Variants in NAA60 observed in about 807,000 individuals in gnomAD.
NAA60 encodes the protein N-alpha-acetyltransferase 60, NatF catalytic subunit.
A neutral mutation model predicts 26.1 loss-of-function variants in NAA60; 8 were observed. The observed-to-expected ratio is 0.31, with a 90% CI of 0.18 to 0.55. The LOEUF is 0.55. Ranked by LOEUF, NAA60 falls within the 20% of genes least tolerant of loss-of-function variation. The probability of loss-of-function intolerance (pLI) is 0.93; values close to 1 mark genes in which losing one functional copy is unlikely to be tolerated. For synonymous variants in NAA60, 131 were observed against 122.5 expected, an observed-to-expected ratio of 1.07 and a Z score of -0.46; for missense variants, 290 against 311.3, an observed-to-expected ratio of 0.93 and a Z score of 0.51.
chr16:3,482,476 G>C (rs779894514), intron 4 of NAA60, 26 bp from the exon 5 acceptor site: 1 of 1,563,514 alleles, frequency 6.4e-7, no homozygotes, highest in South Asian at 1.2e-5. Context: ...GTGTGAGCCT[G>C]ACTTTCTCTC....
intron 2 of NAA60, among the ~76,000 whole-genome samples, chr16:3,452,572 C>T (rs987895255): frequency 2.6e-5 from 4 of 151,782 alleles, no homozygotes; most frequent in African/African-American, 9.7e-5. Flanking sequence ...ACGAGAATCA[C>T]TTGAGCCCAG....
chr16:3,474,850 C>T (rs2036378057), intron 2 of NAA60, among the ~76,000 whole-genome samples: 1 of 152,264 alleles, frequency 6.6e-6, no homozygotes, highest in South Asian at 2.1e-4. Flanking sequence ...TGGCATTCTT[C>T]TGTAAAGAAC....
intron 2 of NAA60, among the ~76,000 whole-genome samples, chr16:3,450,897 A>G (rs1352567566): frequency 6.6e-6 from 1 of 152,192 alleles, no homozygotes; most frequent in Non-Finnish European, 1.5e-5. Context: ...TAAAATGAGG[A>G]CAACAATACT....
At position 3,484,583 on chromosome 16, in the gene NAA60, C is replaced by T. The variant is rs915831690; in HGVS notation, c.573-116C>T. 43 of 1,381,504 alleles carry T rather than the reference C, an allele frequency of 3.1e-5. No homozygotes were observed. In the Admixed American group the frequency reaches 3.6e-4, roughly 12 times the overall value. 85.6% of individuals were successfully genotyped at this position (1,381,504 alleles called of 1,614,324 possible). On this transcript the variant is annotated intron_variant, in intron 6 of 7. Transcript: ENST00000407558. The stretch of plus-strand genomic sequence containing the variant: ...AGAGGCTTAGCGGGCTCTCAGCCTC[C>T]GAAGCCTGGCTTGCCATCTGCACAC...
intron 2 of NAA60, among the ~76,000 whole-genome samples, chr16:3,458,824 T>C (rs2035182005): frequency 6.6e-6 from 1 of 152,188 alleles, no homozygotes; most frequent in African/African-American, 2.4e-5. Flanking sequence ...GACTTTCTTC[T>C]CCAGATTGGG....
intron 4 of NAA60, among the ~76,000 whole-genome samples, chr16:3,480,117 G>A (rs2036732667): frequency 6.6e-6 from 1 of 152,118 alleles, no homozygotes; most frequent in Admixed American, 6.6e-5. Context: ...CAGTCTGAAT[G>A]TAAACAGTAA....
In NAA60 at chr16:3,484,994, G is replaced by A. The variant is rs550325384; in HGVS notation, c.*139G>A. ...GCTCGTCGGCCTGCCCCAGCTGCAGGCCCGGTGCTACACGGGCTCGGGAAC... is the reference window on the plus strand; with the variant it reads ...GCTCGTCGGCCTGCCCCAGCTGCAGACCCGGTGCTACACGGGCTCGGGAAC... On this transcript the variant is annotated 3_prime_UTR_variant, in exon 7 of 8. Transcript: ENST00000407558. 1 of 1,527,654 alleles carries A rather than the reference G, an allele frequency of 6.5e-7. No homozygotes were observed. Among genetic ancestry groups the A allele is most frequent in the Non-Finnish European group, 8.8e-7 (1 of 1,139,818 alleles). The allele number at this position is 1,527,654 out of a possible 1,614,324, so 94.6% of individuals were successfully genotyped here. A position where few individuals can be genotyped will look rare whatever the true frequency, so the allele number is the denominator to read the frequency against.
chr16:3,482,665 A>G (rs1226333444), intron 5 of NAA60, 67 bp downstream of exon 5: 1 of 726,810 alleles, frequency 1.4e-6, no homozygotes, highest in Admixed American at 3.7e-5. Flanking sequence ...CCCCCATCCC[A>G]TCTGCACCCA....
chr16:3,462,345 A>C (rs1402938108), intron 2 of NAA60, among the ~76,000 whole-genome samples: 1 of 152,176 alleles, frequency 6.6e-6, no homozygotes, highest in East Asian at 1.9e-4. Flanking sequence ...TTAATGCAAC[A>C]ATATTTCCCT....
chr16:3,446,952 C>A (rs2034580462), intron 1 of NAA60, among the ~76,000 whole-genome samples: 1 of 152,058 alleles, frequency 6.6e-6, no homozygotes, highest in African/African-American at 2.4e-5. Context: ...AGCAATTCTT[C>A]TGGCTCAGCC....
chr16:3,480,775 G>A (rs1466787783), intron 4 of NAA60, among the ~76,000 whole-genome samples: 4 of 152,032 alleles, frequency 2.6e-5, no homozygotes, highest in Non-Finnish European at 4.4e-5. Flanking sequence ...GCATGATGGC[G>A]CTTGCCTTTA....
chr16:3,483,808 G>C (rs1472716236), intron 6 of NAA60: 2 of 565,192 alleles, frequency 3.5e-6, no homozygotes, highest in Non-Finnish European at 6.2e-6. Flanking sequence ...GCCCAGGCTG[G>C]TCTCGAACTC....
intron 2 of NAA60, among the ~76,000 whole-genome samples, chr16:3,471,968 T>C (rs1446793825): frequency 6.6e-6 from 1 of 152,164 alleles, no homozygotes; most frequent in African/African-American, 2.4e-5. Flanking sequence ...TCCCAGAGTT[T>C]CAAAGTGTGG....
At chr16:3,449,144 G>A (rs940037876) in intron 2 of NAA60, among the ~76,000 whole-genome samples, 14 of 152,068 alleles carry the variant, frequency 9.2e-5, no homozygotes, top group Non-Finnish European at 1.5e-4. Context: ...GAGGTGAGGC[G>A]GGTAGATCTC....
chr16:3,485,107 C>A, intron 7 of NAA60, 46 bp downstream of exon 7: 1 of 1,200,764 alleles, frequency 8.3e-7, no homozygotes. Flanking sequence ...GTGCCTCCAG[C>A]CACAAAAGTG....
At position 3,473,749 on chromosome 16, in the gene NAA60, T is replaced by G. The variant is rs7206345; in HGVS notation, c.-6-2473T>G. Among the ~76,000 whole-genome samples the G allele has an allele frequency of 8.3e-3, 1,133 of 135,974 alleles. 13 individuals are homozygous for G. The highest frequency in any genetic ancestry group is 0.034 in the African/African-American group (1,023 of 30,162). The allele number at this position is 135,974 out of a possible 152,430, so 89.2% of individuals were successfully genotyped here. ...TGTTGTTGTTGTTGTTGTTGTTGTT[T>G]TTTGAGATGGAGTCTTGCACTGTTG... On this transcript the variant is annotated intron_variant, in intron 2 of 7. Transcript: ENST00000407558.
chr16:3,443,744 T>C lies in NAA60; in HGVS notation c.-170T>C, dbSNP rs1307559609. ...CTGTTTGCCTGCTGAAGTAGAGTCTTAGGGTGACCCCAGGGGGACGTAATG... is the reference window on the plus strand; with the variant it reads ...CTGTTTGCCTGCTGAAGTAGAGTCTCAGGGTGACCCCAGGGGGACGTAATG... On this transcript the variant is annotated 5_prime_UTR_variant, in exon 1 of 8. Coordinates refer to ENST00000407558, the MANE Select transcript of NAA60 (RefSeq NM_001083601.3). 2.6e-6 allele frequency: 4 copies of C among 1,529,220 alleles called. No homozygotes were observed. Among genetic ancestry groups the C allele is most frequent in the East Asian group, 2.5e-5 (1 of 40,544 alleles). The allele number at this position is 1,529,220 out of a possible 1,614,324, so 94.7% of individuals were successfully genotyped here.
intron 2 of NAA60, among the ~76,000 whole-genome samples, chr16:3,473,427 A>T (rs1167682187): frequency 6.6e-6 from 1 of 152,186 alleles, no homozygotes. Context: ...TTATAAAACC[A>T]TCAGGTCTCG....
chr16:3,483,663 C>T (rs761266465), intron 6 of NAA60, 66 bp downstream of exon 6: 20 of 1,257,262 alleles, frequency 1.6e-5, no homozygotes, highest in Non-Finnish European at 2.3e-5. Flanking sequence ...AGCCAGTGAG[C>T]AAGTTGGAGC....
Sources: gnomAD v4.1 joint callset for allele counts (sites outside exome capture counted in the v4.1 genomes callset) on GRCh38, gnomAD v4.1.1 for gene constraint, MANE v1.5 for transcripts, NCBI Gene and HGNC (gene_info 2026-07-23, HGNC 2026-07-21) for gene names.